FER: variants seen among roughly 807,000 people sequenced by gnomAD.
The protein encoded by FER is FER tyrosine kinase.
A neutral mutation model predicts 111.0 loss-of-function variants in FER; 63 were observed. The ratio of observed to expected loss-of-function variants is 0.57; its 90% CI spans 0.46 to 0.70. FER has a LOEUF of 0.70. FER is among the 30% of genes least tolerant of loss of function. The pLI is 0.00. For synonymous variants in FER, 327 were observed against 313.9 expected (o/e 1.04, Z -0.44); for missense variants, 914 against 954.0 (o/e 0.96, Z 0.55).
At chr5:108,873,069 G>A (rs1435265122) in intron 8 of FER, among the ~76,000 whole-genome samples, 1 of 152,052 alleles carries the variant, frequency 6.6e-6, no homozygotes, top group East Asian at 1.9e-4. Context: ...TGGTGGTACG[G>A]GTAATTAGCT....
intron 3 of FER, among the ~76,000 whole-genome samples, chr5:108,819,004 A>G (rs2150097909): frequency 6.6e-6 from 1 of 152,104 alleles, no homozygotes; most frequent in East Asian, 1.9e-4. Context: ...TCCTTAGTTT[A>G]ACCTAGATAG....
intron 2 of FER, among the ~76,000 whole-genome samples, chr5:108,773,664 A>G (rs1343229655): frequency 6.6e-6 from 1 of 152,014 alleles, no homozygotes; most frequent in Non-Finnish European, 1.5e-5. Flanking sequence ...ATATGCATGC[A>G]TGTATCTTTA....
intron 17 of FER, among the ~76,000 whole-genome samples, chr5:109,151,541 G>A (rs1009718963): frequency 6.6e-6 from 1 of 151,978 alleles, no homozygotes; most frequent in African/African-American, 2.4e-5. Flanking sequence ...TTCTTTCATT[G>A]GTAAATTAGG....
intron 3 of FER, among the ~76,000 whole-genome samples, chr5:108,831,993 A>G (rs911085831): frequency 2.0e-5 from 3 of 151,990 alleles, no homozygotes; most frequent in African/African-American, 4.8e-5. Context: ...AAGTATGTGT[A>G]TGTCAGGAAG....
chr5:109,187,683 T>TACC lies in FER; in HGVS notation c.*110_*112dup, dbSNP rs1759035074. ...TACCACATTACCTTCGACAGTCTTC[T>TACC]ACCATTATTTTTTATTAACTGGGTG... On this transcript the variant is annotated 3_prime_UTR_variant, in exon 20 of 20. Transcript: ENST00000281092. 1 of 1,313,374 alleles carries TACC rather than the reference T, an allele frequency of 7.6e-7. No individual in the cohort carries two copies. Among genetic ancestry groups the TACC allele is most frequent in the African/African-American group, 1.5e-5 (1 of 66,740 alleles). 81.4% of individuals were successfully genotyped at this position (1,313,374 alleles called of 1,614,324 possible).
intron 17 of FER, among the ~76,000 whole-genome samples, chr5:109,168,910 A>G (rs531582083): frequency 1.3e-5 from 2 of 152,244 alleles, no homozygotes; most frequent in South Asian, 4.1e-4. Flanking sequence ...CCCTTCAGGC[A>G]TGATAAATTT....
Position 108,996,419 on chromosome 5 carries a change from A to T in FER, c.1656+37072A>T, listed in dbSNP as rs574382159. On this transcript the variant is annotated intron_variant, in intron 13 of 19. Coordinates refer to ENST00000281092, the MANE Select transcript of FER (RefSeq NM_005246.4). ...GGTCTTACATTTAAGTATTTAATCC[A>T]TCTTGAGTTTATTTTTGTATAAGGT... 3.9e-5 allele frequency among the ~76,000 whole-genome samples: 6 copies of T among 152,286 alleles called. No individual in the cohort carries two copies. In the East Asian group the frequency reaches 9.6e-4, roughly 24 times the overall value.
chr5:108,878,679 A>G (rs1038777537), intron 8 of FER, among the ~76,000 whole-genome samples: 1 of 152,140 alleles, frequency 6.6e-6, no homozygotes, highest in African/African-American at 2.4e-5. Context: ...CTTTAAGAAA[A>G]TCTATACAAA....
chr5:109,062,370 CA>C (rs1561845328), intron 16 of FER, among the ~76,000 whole-genome samples: 1 of 151,792 alleles, frequency 6.6e-6, no homozygotes, highest in South Asian at 2.1e-4. Context: ...ACTAAAAATG[CA>C]AAAAATTAGC....
intron 17 of FER, among the ~76,000 whole-genome samples, chr5:109,122,799 C>G (rs898615998): frequency 6.6e-6 from 1 of 151,992 alleles, no homozygotes; most frequent in South Asian, 2.1e-4. Context: ...CTGAATTGAC[C>G]CCTTTTTCAT....
intron 16 of FER, among the ~76,000 whole-genome samples, chr5:109,056,675 T>A (rs1417429513): frequency 6.6e-6 from 1 of 152,180 alleles, no homozygotes. Context: ...GTAATAAAAT[T>A]GTTCTGTGTA....
intron 10 of FER, among the ~76,000 whole-genome samples, chr5:108,898,439 T>C (rs1179273230): frequency 1.3e-5 from 2 of 151,714 alleles, no homozygotes; most frequent in African/African-American, 4.8e-5. Flanking sequence ...TCTCCTTTCT[T>C]CTCTTCTTTG....
chr5:108,880,576 G>C (rs937785881), intron 8 of FER, among the ~76,000 whole-genome samples: 4 of 152,072 alleles, frequency 2.6e-5, no homozygotes, highest in Non-Finnish European at 5.9e-5. Flanking sequence ...TCTTGACAAT[G>C]ATCTTGAATC....
At chr5:108,953,774 C>T (rs1298890859) in intron 11 of FER, among the ~76,000 whole-genome samples, 2 of 152,038 alleles carry the variant, frequency 1.3e-5, no homozygotes, top group African/African-American at 4.8e-5. Flanking sequence ...ATTACTTTCT[C>T]ATGAGGCATT....
In FER at chr5:108,913,695, G is replaced by A. The variant is rs892489299; in HGVS notation, c.1236+15847G>A. On this transcript the variant is annotated intron_variant, in intron 10 of 19. Transcript: ENST00000281092. Reference sequence around the variant, plus strand: ...AATACATACATATGCTCTCAAAAAGGCATGTACAAGAATATTCACAGGAGC... The same window carrying A: ...AATACATACATATGCTCTCAAAAAGACATGTACAAGAATATTCACAGGAGC... 6.6e-5 allele frequency among the ~76,000 whole-genome samples: 10 copies of A among 152,126 alleles called. No individual in the cohort carries two copies. The East Asian group carries it at 1.7e-3, about 26-fold the overall frequency.
intron 2 of FER, among the ~76,000 whole-genome samples, chr5:108,777,632 T>G (rs1753635753): frequency 6.6e-6 from 1 of 152,206 alleles, no homozygotes; most frequent in South Asian, 2.1e-4. Context: ...CTTTTTACTG[T>G]TGTATGAGTC....
intron 3 of FER, among the ~76,000 whole-genome samples, chr5:108,828,421 C>T (rs1222357305): frequency 6.6e-6 from 1 of 152,162 alleles, no homozygotes; most frequent in Non-Finnish European, 1.5e-5. Flanking sequence ...ACTAACACTT[C>T]TTTCCGTCAG....
chr5:108,992,127 C>T (rs1387529590), intron 13 of FER, among the ~76,000 whole-genome samples: 3 of 152,096 alleles, frequency 2.0e-5, no homozygotes, highest in African/African-American at 7.2e-5. Context: ...GCACATCTTG[C>T]ACCGCCCTTA....
intron 5 of FER, among the ~76,000 whole-genome samples, chr5:108,849,477 T>TGTTGTTGTG (rs1335307043): frequency 6.6e-6 from 1 of 151,472 alleles, no homozygotes; most frequent in African/African-American, 2.4e-5. Flanking sequence ...TTGTTGTTGT[T>TGTTGTTGTG]GTTTTGTTTT....
Sources: gnomAD v4.1 joint callset for allele counts (sites outside exome capture counted in the v4.1 genomes callset) on GRCh38, gnomAD v4.1.1 for gene constraint, MANE v1.5 for transcripts, NCBI Gene and HGNC (gene_info 2026-07-23, HGNC 2026-07-21) for gene names.